The following SGK3 variants were observed in gnomAD, a reference collection of about 807,000 sequenced individuals.
SGK3 encodes serum/glucocorticoid regulated kinase family member 3.
SGK3 carries 47 observed loss-of-function variants against 68.5 expected under a neutral mutation model. The ratio of observed to expected loss-of-function variants is 0.69; its 90% CI spans 0.54 to 0.87. SGK3 has a LOEUF of 0.87. Among genes scored for constraint, SGK3 ranks in the 40% least tolerant of loss-of-function variants. The pLI is 0.00. For synonymous variants in SGK3, 181 were observed against 189.1 expected, an observed-to-expected ratio of 0.96 and a Z score of 0.35; for missense variants, 479 against 575.5, an observed-to-expected ratio of 0.83 and a Z score of 1.72.
chr8:66,727,789 C>A (rs1464416176), intron 1 of SGK3, among the ~76,000 whole-genome samples: 1 of 152,140 alleles, frequency 6.6e-6, no homozygotes, highest in Non-Finnish European at 1.5e-5. Context: ...AATTTCTGTT[C>A]TTTATAAATT....
chr8:66,832,073 G>A (rs1022183728), intron 8 of SGK3, among the ~76,000 whole-genome samples: 1 of 152,120 alleles, frequency 6.6e-6, no homozygotes, highest in African/African-American at 2.4e-5. Flanking sequence ...TAGCTTCTCA[G>A]AAGACATGCT....
intron 1 of SGK3, among the ~76,000 whole-genome samples, chr8:66,741,639 G>T (rs1299589686): frequency 6.6e-6 from 1 of 151,998 alleles, no homozygotes; most frequent in African/African-American, 2.4e-5. Context: ...GACCGAAGCA[G>T]GCAGATTGCT....
chr8:66,774,525 G>A (rs1417751420), intron 1 of SGK3, among the ~76,000 whole-genome samples: 2 of 152,002 alleles, frequency 1.3e-5, no homozygotes, highest in Admixed American at 1.3e-4. Flanking sequence ...GTTAAAACAA[G>A]TCGTTTCGAG....
intron 1 of SGK3, among the ~76,000 whole-genome samples, chr8:66,777,663 A>T (rs549100645): frequency 1.3e-3 from 199 of 152,222 alleles, no homozygotes; most frequent in Non-Finnish European, 2.3e-3. Flanking sequence ...TTAATTTGAC[A>T]CTTACAGCCC....
intron 3 of SGK3, among the ~76,000 whole-genome samples, chr8:66,800,357 CG>C (rs1360324288): frequency 1.8e-5 from 2 of 114,120 alleles, no homozygotes; most frequent in Middle Eastern, 5.7e-3. Context: ...AAAAAAGTGG[CG>C]GGGGGGGAGT....
At chr8:66,749,170 A>C (rs1805736685) in intron 1 of SGK3, among the ~76,000 whole-genome samples, 1 of 152,226 alleles carries the variant, frequency 6.6e-6, no homozygotes, top group Non-Finnish European at 1.5e-5. Context: ...AAAGTTATTC[A>C]GTCAATATAC....
At chr8:66,839,503 AT>A (rs1563654449) in intron 10 of SGK3, among the ~76,000 whole-genome samples, 1 of 8,214 alleles carries the variant, frequency 1.2e-4, no homozygotes, top group Non-Finnish European at 2.9e-4. Context: ...ATGGAGATAT[AT>A]ATATATATAT....
chr8:66,733,706 C>T (rs144228467), intron 1 of SGK3, among the ~76,000 whole-genome samples: 1 of 151,716 alleles, frequency 6.6e-6, no homozygotes, highest in African/African-American at 2.4e-5. Context: ...CTCTAAAATT[C>T]TATGGTTCTA....
chr8:66,828,797 T>C, intron 7 of SGK3, 94 bp downstream of exon 7: 9 of 1,465,044 alleles, frequency 6.1e-6, no homozygotes, highest in Non-Finnish European at 8.6e-6. Flanking sequence ...CTAATTTAAC[T>C]GTAGGCCTTT....
chr8:66,820,116 C>T (rs535719584), intron 5 of SGK3, among the ~76,000 whole-genome samples: 1 of 152,214 alleles, frequency 6.6e-6, no homozygotes, highest in Admixed American at 6.5e-5. Context: ...GCACCCAGCC[C>T]AGTAGTTTTT....
intron 6 of SGK3, among the ~76,000 whole-genome samples, chr8:66,822,831 G>T (rs1171075302): frequency 6.6e-6 from 1 of 152,040 alleles, no homozygotes; most frequent in African/African-American, 2.4e-5. Flanking sequence ...ATGTTGGTCA[G>T]GCTGGTTTCA....
At chr8:66,826,140 T>C (rs372180826) in intron 6 of SGK3, among the ~76,000 whole-genome samples, 18 of 151,984 alleles carry the variant, frequency 1.2e-4, no homozygotes, top group Admixed American at 7.9e-4. Flanking sequence ...GCCAAGCTAA[T>C]TTTTGTATTT....
intron 1 of SGK3, among the ~76,000 whole-genome samples, chr8:66,751,304 A>G (rs1805811226): frequency 6.6e-6 from 1 of 152,210 alleles, no homozygotes; most frequent in South Asian, 2.1e-4. Context: ...AAAAATGCTC[A>G]TTAAATTTAA....
At chr8:66,743,218 G>T (rs1805533099) in intron 1 of SGK3, among the ~76,000 whole-genome samples, 1 of 152,122 alleles carries the variant, frequency 6.6e-6, no homozygotes, top group African/African-American at 2.4e-5. Flanking sequence ...TGGAATAAAA[G>T]AAACTTGAAA....
chr8:66,856,429 A>AC (rs1810509538), intron 16 of SGK3, among the ~76,000 whole-genome samples: 1 of 152,150 alleles, frequency 6.6e-6, no homozygotes, highest in South Asian at 2.1e-4. Context: ...AATGTTTGGG[A>AC]CCAGAAGTGT....
chr8:66,724,116 G>T (rs1055887561), intron 1 of SGK3, among the ~76,000 whole-genome samples: 1 of 152,038 alleles, frequency 6.6e-6, no homozygotes, highest in Non-Finnish European at 1.5e-5. Flanking sequence ...AGGACTACAG[G>T]CTCATGCCAC....
At chr8:66,804,659 G>A (rs1808079788) in intron 4 of SGK3, among the ~76,000 whole-genome samples, 1 of 152,202 alleles carries the variant, frequency 6.6e-6, no homozygotes, top group African/African-American at 2.4e-5. Flanking sequence ...ACTTCGTGAG[G>A]TGGGTATTGT....
At chr8:66,831,211 T>A in intron 7 of SGK3, 43 bp from the exon 8 acceptor site, 7 of 1,603,976 alleles carry the variant, frequency 4.4e-6, no homozygotes, top group Non-Finnish European at 6.0e-6. Context: ...AGTTAATATT[T>A]CCAATTTCTA....
chr8:66,793,188 T>C (rs748774208), intron 1 of SGK3, among the ~76,000 whole-genome samples: 9 of 152,194 alleles, frequency 5.9e-5, no homozygotes, highest in Non-Finnish European at 1.2e-4. Flanking sequence ...GATGTACGAA[T>C]TATTTCACCT....
Sources: allele counts gnomAD v4.1 joint callset (sites outside exome capture counted in the v4.1 genomes callset), GRCh38; gene constraint gnomAD v4.1.1; transcripts MANE v1.5; gene names NCBI Gene and HGNC (gene_info 2026-07-23, HGNC 2026-07-21).